The following VWA8 variants were observed in gnomAD, a reference collection of about 807,000 sequenced individuals.
VWA8 encodes the protein von Willebrand factor A domain containing 8, also known as von Willebrand factor A domain-containing protein 8.
In VWA8, 221 loss-of-function variants were observed where a neutral mutation model predicts 241.5. That is an observed-to-expected ratio of 0.91 (90% CI 0.82 to 1.02). The LOEUF (loss-of-function observed/expected upper bound fraction) is 1.02. VWA8 is among the 50% of genes least tolerant of loss of function. VWA8 has a pLI of 0.00. For synonymous variants in VWA8, 852 were observed against 827.1 expected, an observed-to-expected ratio of 1.03 and a Z score of -0.52; for missense variants, 2,322 against 2,328.7, an observed-to-expected ratio of 1.00 and a Z score of 0.06.
intron 34 of VWA8, 125 bp downstream of exon 34, chr13:41,689,229 A>G: frequency 1.9e-6 from 2 of 1,070,852 alleles, no homozygotes; most frequent in South Asian, 1.9e-5. Flanking sequence ...TTTGGAAGGA[A>G]GACTTGATCC....
intron 42 of VWA8, among the ~76,000 whole-genome samples, chr13:41,581,148 C>T (rs1039031241): frequency 7.8e-6 from 1 of 127,478 alleles, no homozygotes; most frequent in Admixed American, 7.8e-5. Flanking sequence ...CTACAGGCGC[C>T]CGCCACCTCG....
At chr13:41,926,701 C>G in intron 2 of VWA8, 1 of 537,352 alleles carries the variant, frequency 1.9e-6, no homozygotes. Flanking sequence ...TCAGCTACCA[C>G]CCAGATGGCC....
At chr13:41,736,518 T>A (rs1277140293) in intron 21 of VWA8, among the ~76,000 whole-genome samples, 4 of 152,214 alleles carry the variant, frequency 2.6e-5, no homozygotes, top group Non-Finnish European at 5.9e-5. Context: ...TAAGTTAGTA[T>A]CTTCTAATTT....
At chr13:41,664,017 T>C (rs531337262) in intron 37 of VWA8, among the ~76,000 whole-genome samples, 1 of 151,920 alleles carries the variant, frequency 6.6e-6, no homozygotes, top group East Asian at 2.0e-4. Context: ...TAGATAATTT[T>C]GCCCAACTGG....
intron 43 of VWA8, among the ~76,000 whole-genome samples, chr13:41,573,638 CAG>C (rs1353580454): frequency 2.5e-5 from 3 of 119,240 alleles, no homozygotes; most frequent in South Asian, 2.9e-4. Flanking sequence ...GTGTGTGAGA[CAG>C]AGTGTTGCTC....
chr13:41,702,820 T>C (rs568921585), intron 27 of VWA8, among the ~76,000 whole-genome samples: 3 of 152,354 alleles, frequency 2.0e-5, no homozygotes, highest in African/African-American at 7.2e-5. Flanking sequence ...ACAAGTCCAG[T>C]GTTGCCCCTC....
intron 37 of VWA8, among the ~76,000 whole-genome samples, chr13:41,624,867 A>T (rs1797328181): frequency 1.3e-5 from 2 of 152,176 alleles, no homozygotes; most frequent in Non-Finnish European, 1.5e-5. Flanking sequence ...AAATAGAAAG[A>T]CAGAAAGCAA....
intron 37 of VWA8, among the ~76,000 whole-genome samples, chr13:41,623,109 AAAG>A: frequency 6.6e-6 from 1 of 152,242 alleles, no homozygotes; most frequent in South Asian, 2.1e-4. Context: ...TTCCCAGGTA[AAAG>A]AAGAGATGGT....
At chr13:41,574,403 C>G (rs1192386372) in intron 43 of VWA8, among the ~76,000 whole-genome samples, 1 of 150,458 alleles carries the variant, frequency 6.6e-6, no homozygotes, top group Non-Finnish European at 1.5e-5. Flanking sequence ...CTACAAAACA[C>G]TGATGAAAGA....
chr13:41,704,432 A>G (rs9566825), intron 26 of VWA8, among the ~76,000 whole-genome samples: 3,751 of 151,128 alleles, frequency 0.025, 82 homozygotes, highest in East Asian at 0.1. Flanking sequence ...ACTAAAGTAT[A>G]AAACAGCAGA....
intron 4 of VWA8, among the ~76,000 whole-genome samples, chr13:41,897,172 T>C (rs1253084269): frequency 1.3e-5 from 2 of 151,502 alleles, no homozygotes; most frequent in East Asian, 3.9e-4. Flanking sequence ...GGAAAGAGAA[T>C]AAGAGGACAA....
chr13:41,911,942 AC>A lies in VWA8; in HGVS notation c.372+95del, dbSNP rs1566036889. Reference sequence around the variant, plus strand: ...ATGTCAGCATTTGTTTCAAATAATGACTAATTCTGATATTTTTTATAAATTC... The same window carrying A: ...ATGTCAGCATTTGTTTCAAATAATGATAATTCTGATATTTTTTATAAATTC... On this transcript the variant is annotated intron_variant, in intron 3 of 44. Transcript: ENST00000379310. The A allele has an allele frequency of 4.8e-5, 61 of 1,269,378 alleles. 1 individual carries two copies. Among genetic ancestry groups the A allele is most frequent in the Non-Finnish European group, 6.1e-5 (60 of 987,818 alleles). The allele number at this position is 1,269,378 out of a possible 1,614,324, so 78.6% of individuals were successfully genotyped here. A position where few individuals can be genotyped will look rare whatever the true frequency, so the allele number is the denominator to read the frequency against.
intron 37 of VWA8, among the ~76,000 whole-genome samples, chr13:41,649,338 T>G (rs1034109353): frequency 3.9e-5 from 6 of 152,190 alleles, no homozygotes; most frequent in African/African-American, 1.4e-4. Flanking sequence ...CTTTAAAGTT[T>G]TACTCTTTAC....
intron 24 of VWA8, among the ~76,000 whole-genome samples, chr13:41,724,550 T>C (rs913074917): frequency 6.6e-6 from 1 of 152,100 alleles, no homozygotes; most frequent in African/African-American, 2.4e-5. Context: ...TGTGAACAGT[T>C]TACCTGCAAC....
chr13:41,868,609 G>C, intron 9 of VWA8, 132 bp from the exon 10 acceptor site: 2 of 1,153,294 alleles, frequency 1.7e-6, no homozygotes, highest in Non-Finnish European at 2.3e-6. Context: ...GTTAGGCCAA[G>C]GGCGGTGGCT....
chr13:41,741,632 CA>C (rs764581148), intron 21 of VWA8, among the ~76,000 whole-genome samples: 84 of 152,232 alleles, frequency 5.5e-4, no homozygotes, highest in Non-Finnish European at 1.1e-3. Flanking sequence ...ATTATGCCTT[CA>C]ACATTGTAGG....
chr13:41,784,677 T>TA (rs1156449681), intron 18 of VWA8, among the ~76,000 whole-genome samples: 3 of 131,206 alleles, frequency 2.3e-5, no homozygotes, highest in African/African-American at 2.8e-5. Flanking sequence ...TCTCTCTCTC[T>TA]CTTTATACAT....
chr13:41,625,661 G>GA (rs964192367), intron 37 of VWA8, among the ~76,000 whole-genome samples: 3 of 152,030 alleles, frequency 2.0e-5, no homozygotes, highest in Non-Finnish European at 4.4e-5. Flanking sequence ...AACCATTGTG[G>GA]AAGACAGTGT....
At chr13:41,921,707 C>G (rs1251619053) in intron 2 of VWA8, among the ~76,000 whole-genome samples, 3 of 152,098 alleles carry the variant, frequency 2.0e-5, no homozygotes, top group African/African-American at 7.2e-5. Flanking sequence ...GAATAAAATA[C>G]CTAGGAATCC....
Sources: gnomAD v4.1 joint callset for allele counts (sites outside exome capture counted in the v4.1 genomes callset) on GRCh38, gnomAD v4.1.1 for gene constraint, MANE v1.5 for transcripts, NCBI Gene and HGNC (gene_info 2026-07-23, HGNC 2026-07-21) for gene names.